MYPN: variants seen among roughly 807,000 people sequenced by gnomAD.
MYPN encodes sarcomeric protein myopalladin, 145 kDa (MYOP).
In MYPN, 63 loss-of-function variants were observed where a neutral mutation model predicts 129.4. That is an observed-to-expected ratio of 0.49 (90% CI 0.40 to 0.60). The LOEUF (loss-of-function observed/expected upper bound fraction) is 0.60, where lower values mean the gene tolerates loss of function less well. Among genes scored for constraint, MYPN ranks in the 20% least tolerant of loss-of-function variants. The pLI is 0.00. For missense variants in MYPN, 1,596 were observed against 1,635.4 expected, an observed-to-expected ratio of 0.98 and a Z score of 0.42; for synonymous variants, 629 against 600.9, an observed-to-expected ratio of 1.05 and a Z score of -0.68.
In MYPN at chr10:68,167,931, C is replaced by A. The variant is rs2043079072; in HGVS notation, c.1973+1265C>A. On this transcript the variant is annotated intron_variant, in intron 10 of 19. Coordinates refer to ENST00000358913, the MANE Select transcript of MYPN (RefSeq NM_032578.4). ...ACAACCAAATCCTGCAGGAGAAGAA[C>A]TAGAGAGGCGGGAACTGGGCCTTTT... Among the ~76,000 whole-genome samples, 2 of 152,200 alleles carry A rather than the reference C, an allele frequency of 1.3e-5. 1 individual carries two copies. The highest frequency in any genetic ancestry group is 1.3e-4 in the Admixed American group (2 of 15,278).
At chr10:68,136,267 G>A in intron 2 of MYPN, 1 of 988,092 alleles carries the variant, frequency 1.0e-6, no homozygotes, top group Non-Finnish European at 1.2e-6. Flanking sequence ...GTGAAAGGTG[G>A]GTCCTTTTCT....
At chr10:68,188,839 A>C in intron 12 of MYPN, 66 bp from the exon 13 acceptor site, 1 of 1,381,162 alleles carries the variant, frequency 7.2e-7, no homozygotes, top group Non-Finnish European at 1.0e-6. Flanking sequence ...TGGCTTCCTC[A>C]ATTGTACTGA....
chr10:68,116,946 A>C (rs74728616), intron 1 of MYPN, among the ~76,000 whole-genome samples: 1 of 152,134 alleles, frequency 6.6e-6, no homozygotes, highest in African/African-American at 2.4e-5. Context: ...TAGGCCGGAC[A>C]TGGTGGCTCA....
intron 6 of MYPN, chr10:68,158,275 G>A (rs950735403): frequency 5.3e-6 from 3 of 564,732 alleles, no homozygotes; most frequent in African/African-American, 3.8e-5. Context: ...AAGGGCATAG[G>A]AGTAGCCACG....
intron 1 of MYPN, among the ~76,000 whole-genome samples, chr10:68,114,505 C>A (rs568984042): frequency 8.3e-4 from 126 of 152,142 alleles, no homozygotes; most frequent in African/African-American, 2.2e-3. Flanking sequence ...CCTGCCACCA[C>A]GTCCAGCTAA....
intron 8 of MYPN, 165 bp downstream of exon 8, chr10:68,161,917 C>T (rs968441346): frequency 7.3e-6 from 4 of 546,608 alleles, no homozygotes; most frequent in Admixed American, 6.7e-5. Flanking sequence ...AATTCCAGCA[C>T]TTTGCGAGGC....
Position 68,126,263 on chromosome 10 carries a change from G to A in MYPN, c.902+3923G>A, listed in dbSNP as rs867922064. On this transcript the variant is annotated intron_variant, in intron 2 of 19. Transcript: ENST00000358913. ...AGCATGTTTATGGAAAGGCACAGAC[G>A]CTCTAATTATAATAATATTTTTTAT... 2.6e-5 allele frequency among the ~76,000 whole-genome samples: 4 copies of A among 152,106 alleles called. No individual in the cohort carries two copies. The South Asian group carries it at 6.2e-4, about 24-fold the overall frequency.
chr10:68,207,511 T>A (rs984703423), intron 19 of MYPN, among the ~76,000 whole-genome samples: 2 of 152,114 alleles, frequency 1.3e-5, no homozygotes, highest in Admixed American at 1.3e-4. Flanking sequence ...TTTCTTGCCA[T>A]CTCCTTGCTG....
chr10:68,160,302 G>A (rs915237880), intron 7 of MYPN, among the ~76,000 whole-genome samples: 13 of 151,602 alleles, frequency 8.6e-5, no homozygotes, highest in Admixed American at 3.3e-4. Context: ...GTGGTGGCAC[G>A]CATCTGTAGT....
At chr10:68,193,797 GCACACACACACA>G (rs368376657) in intron 13 of MYPN, among the ~76,000 whole-genome samples, 40 of 127,702 alleles carry the variant, frequency 3.1e-4, no homozygotes, top group Middle Eastern at 3.7e-3. Flanking sequence ...ATGTGTATGT[GCACACACACACA>G]CACACACACA....
At position 68,121,597 on chromosome 10, in the gene MYPN, A is replaced by C; in HGVS notation, c.159A>C (p.Gly53=). 1 of 1,614,230 alleles carries C rather than the reference A, an allele frequency of 6.2e-7. No homozygotes were observed. Among genetic ancestry groups the C allele is most frequent in the Non-Finnish European group, 8.5e-7 (1 of 1,180,046 alleles). The change falls in exon 2 of 20, where the codon GGA becomes GGC. Residue 53 remains glycine, a synonymous_variant. Coordinates refer to ENST00000358913, the MANE Select transcript of MYPN (RefSeq NM_032578.4). ...GCAGTCCTTCTGGGGCCGCTGAAGG[A>C]GGCGGAGGCCAAGATGACCTTCCAG... ...HFGSPSGAAE[G]GGGQDDLPDL...
At chr10:68,166,809 G>A (rs991433496) in intron 10 of MYPN, 143 bp downstream of exon 10, 45 of 1,184,554 alleles carry the variant, frequency 3.8e-5, no homozygotes, top group East Asian at 1.3e-4. Context: ...CAGGAGGATC[G>A]CTTGAGCCCA....
upstream of MYPN, among the ~76,000 whole-genome samples, chr10:68,107,448 C>G (rs1381073375): frequency 6.7e-6 from 1 of 149,850 alleles, no homozygotes; most frequent in African/African-American, 2.5e-5. Flanking sequence ...TCAAGAGACT[C>G]TCCTGCCTCA....
chr10:68,136,090 T>A (rs1046697018), intron 2 of MYPN: 4 of 303,220 alleles, frequency 1.3e-5, no homozygotes, highest in Middle Eastern at 1.6e-3. Context: ...AGTCATAATA[T>A]TTATCCAAGC....
chr10:68,166,794 T>A, intron 10 of MYPN, 128 bp downstream of exon 10: 1 of 1,318,834 alleles, frequency 7.6e-7, no homozygotes, highest in Non-Finnish European at 1.1e-6. Context: ...TTTGGGAGGC[T>A]GAGGCAGGAG....
At chr10:68,120,279 T>C (rs1187001753) in intron 1 of MYPN, among the ~76,000 whole-genome samples, 1 of 152,184 alleles carries the variant, frequency 6.6e-6, no homozygotes, top group Non-Finnish European at 1.5e-5. Flanking sequence ...AATAAATGGA[T>C]ATAATATTAA....
chr10:68,160,514 T>A (rs536185822), intron 7 of MYPN, among the ~76,000 whole-genome samples: 9 of 150,834 alleles, frequency 6.0e-5, no homozygotes, highest in Admixed American at 5.3e-4. Context: ...TAAAACTAAG[T>A]TCAACAACTA....
chr10:68,094,334 G>C (rs372674397), intron 1 of MYPN, among the ~76,000 whole-genome samples: 1 of 151,176 alleles, frequency 6.6e-6, no homozygotes, highest in Non-Finnish European at 1.5e-5. Flanking sequence ...GCGCTATCTC[G>C]GCTCACTGCA....
chr10:68,126,354 A>G (rs1400763611), intron 2 of MYPN, among the ~76,000 whole-genome samples: 2 of 152,244 alleles, frequency 1.3e-5, no homozygotes, highest in East Asian at 3.8e-4. Context: ...AAGAACCTTG[A>G]AAGCAAAGCA....
Sources: gnomAD v4.1 joint callset for allele counts (sites outside exome capture counted in the v4.1 genomes callset) on GRCh38, gnomAD v4.1.1 for gene constraint, MANE v1.5 for transcripts, NCBI Gene and HGNC (gene_info 2026-07-23, HGNC 2026-07-21) for gene names.